The following TTLL3 variants were observed in gnomAD, a reference collection of about 807,000 sequenced individuals.
TTLL3 encodes the protein tubulin monoglycylase TTLL3.
In TTLL3, 63 loss-of-function variants were observed where a neutral mutation model predicts 75.2. The observed-to-expected ratio is 0.84, with a 90% CI of 0.68 to 1.03. The LOEUF (loss-of-function observed/expected upper bound fraction) is 1.03, where lower values mean the gene tolerates loss of function less well. Ranked by LOEUF, TTLL3 falls within the 50% of genes least tolerant of loss-of-function variation. TTLL3 has a pLI of 0.00. For missense variants in TTLL3, 997 were observed against 1,069.9 expected (o/e 0.93, Z 0.95); for synonymous variants, 393 against 418.5 (o/e 0.94, Z 0.74).
rs767038142 is a variant in TTLL3, at chr3:9,829,087, G to A, written c.1375G>A (p.Ala459Thr). ...RFQAHLQEMGAPNAWSTIIVP... is the reference protein window; with the variant it reads ...RFQAHLQEMGTPNAWSTIIVP... ...CCAGGCCCACCTGCAGGAGATGGGT[G>A]CCCCAAATGCTTGGTCCACCATCAT... The change falls in exon 11 of 14, where the codon GCC (alanine) becomes ACC (threonine). Residue 459 changes from alanine (A) to threonine (T), a missense_variant. Coordinates refer to ENST00000685419, the MANE Select transcript of TTLL3 (RefSeq NM_001387446.1). 1 of 1,614,122 alleles carries A rather than the reference G, an allele frequency of 6.2e-7. No homozygotes were observed. Among genetic ancestry groups the A allele is most frequent in the Non-Finnish European group, 8.5e-7 (1 of 1,180,050 alleles).
At chr3:9,818,129 C>T (rs1284212567) in intron 6 of TTLL3, 4 of 188,740 alleles carry the variant, frequency 2.1e-5, no homozygotes, top group East Asian at 1.4e-4. Context: ...GACTAGGTTC[C>T]GATTCCACAA....
intron 3 of TTLL3, 29 bp downstream of exon 3, chr3:9,813,140 G>C: frequency 6.3e-7 from 1 of 1,595,584 alleles, no homozygotes; most frequent in Admixed American, 1.7e-5. Context: ...TTCCACAGCT[G>C]TTGCTCCTGA....
chr3:9,825,286 C>A, intron 8 of TTLL3: 1 of 174,392 alleles, frequency 5.7e-6, no homozygotes, highest in Non-Finnish European at 1.2e-5. Flanking sequence ...TGCACTGAGC[C>A]GTGATTTCAC....
At position 9,816,172 on chromosome 3, in the gene TTLL3, C is replaced by G. The variant is rs929174720; in HGVS notation, c.414C>G (p.His138Gln). The G allele has an allele frequency of 3.0e-6, 4 of 1,354,810 alleles. No individual in the cohort carries two copies. The African/African-American group carries it at 5.9e-5, about 20-fold the overall frequency. The allele number at this position is 1,354,810 out of a possible 1,614,324, so 83.9% of individuals were successfully genotyped here. A position where few individuals can be genotyped will look rare whatever the true frequency, so the allele number is the denominator to read the frequency against. ...RFLSKDQMIN[H>Q]YARAGSFTTK... ...TCTCCAAGGATCAGATGATAAACCA[C>G]TACGCCCGGGCTGGCTCCTTTACCA... The change falls in exon 5 of 14, where the codon CAC (histidine) becomes CAG (glutamine). Residue 138 changes from histidine to glutamine, a missense_variant. Coordinates refer to ENST00000685419, the MANE Select transcript of TTLL3 (RefSeq NM_001387446.1).
rs1270331812 is a variant in TTLL3, at chr3:9,812,927, T to C, written c.49-16T>C. ...TGCAATACTTATTGAAGAAGTATCC[T>C]TCTCTCACATTGCAGCAGAAGAAGA... On this transcript the variant is annotated splice_polypyrimidine_tract_variant and intron_variant, in intron 2 of 13. Coordinates refer to ENST00000685419, the MANE Select transcript of TTLL3 (RefSeq NM_001387446.1). The C allele has an allele frequency of 4.0e-6, 6 of 1,488,858 alleles. No homozygotes were observed. The African/African-American group carries it at 5.6e-5, about 14-fold the overall frequency. The allele number at this position is 1,488,858 out of a possible 1,614,324, so 92.2% of individuals were successfully genotyped here.
chr3:9,835,097 C>T lies in TTLL3; in HGVS notation c.2056C>T (p.Pro686Ser), dbSNP rs372485684. ...APSILKPRKA[P>S]ALLCLRGPQL... The stretch of plus-strand genomic sequence containing the variant: ...TCTCCCCTCCTTTCACACCGAGGCT[C>T]CTGCTCTCCTGTGCCTCCGAGGCCC... Residue 686 changes from proline (P) to serine (S), a missense_variant, in exon 14 of 14, where the codon CCT becomes TCT. Physicochemically the swap from Pro to Ser is moderately conservative, Grantham distance 74. Coordinates refer to ENST00000685419, the MANE Select transcript of TTLL3 (RefSeq NM_001387446.1). The T allele has an allele frequency of 4.4e-6, 7 of 1,606,926 alleles. No homozygotes were observed. The highest frequency in any genetic ancestry group is 3.4e-5 in the Admixed American group (2 of 59,322).
chr3:9,816,662 C>T (rs570115449), intron 5 of TTLL3, among the ~76,000 whole-genome samples: 2 of 151,914 alleles, frequency 1.3e-5, no homozygotes, highest in Non-Finnish European at 2.9e-5. Flanking sequence ...ACTACAGGTG[C>T]GTGTCACCAC....
intron 7 of TTLL3, 41 bp downstream of exon 7, chr3:9,818,961 C>T (rs771698716): frequency 6.2e-7 from 1 of 1,613,286 alleles, no homozygotes; most frequent in Non-Finnish European, 8.5e-7. Flanking sequence ...CCCATTTATC[C>T]TCCACCCATC....
chr3:9,834,798 T>C lies in TTLL3; in HGVS notation c.1943T>C (p.Leu648Pro). ...AGCAAGCTGGTGGGCACTAAGGCCC[T>C]GTCGACCACAGGCAAGGCCTTGAGG... is the stretch of plus-strand genomic sequence containing the variant. The part of the protein sequence containing the change: ...QHSKLVGTKA[L>P]STTGKALRTL... Residue 648 changes from leucine to proline, a missense_variant, in exon 13 of 14, where the codon CTG (leucine) becomes CCG (proline). Physicochemically the swap from Leu to Pro is moderately conservative, Grantham distance 98 (BLOSUM62 -3). Coordinates refer to ENST00000685419, the MANE Select transcript of TTLL3 (RefSeq NM_001387446.1). 6.2e-7 allele frequency: 1 copy of C among 1,614,198 alleles called. No individual in the cohort carries two copies. Among genetic ancestry groups the C allele is most frequent in the Non-Finnish European group, 8.5e-7 (1 of 1,179,994 alleles).
At position 9,829,185 on chromosome 3, in the gene TTLL3, C is replaced by T. The variant is rs540019817; in HGVS notation, c.1473C>T (p.Ala491=). Residue 491 remains alanine, a synonymous_variant, in exon 11 of 14, where the codon GCC becomes GCT. Coordinates refer to ENST00000685419, the MANE Select transcript of TTLL3 (RefSeq NM_001387446.1). The part of the protein sequence containing the change: ...TSQDTVQCRK[A]SFELYGADFV... ...AGGACACCGTGCAGTGTCGGAAGGCCAGCTTTGAGCTCTATGGCGCTGACT... is the reference window on the plus strand; with the variant it reads ...AGGACACCGTGCAGTGTCGGAAGGCTAGCTTTGAGCTCTATGGCGCTGACT... 5.0e-5 allele frequency: 80 copies of T among 1,614,196 alleles called. No homozygotes were observed. The East Asian group carries it at 1.6e-3, about 32-fold the overall frequency.
At chr3:9,827,344 CCA>C in intron 10 of TTLL3, 104 bp downstream of exon 10, 5 of 1,517,078 alleles carry the variant, frequency 3.3e-6, no homozygotes, top group South Asian at 2.6e-5. Flanking sequence ...GCGCTAGGCT[CCA>C]CACACAGACT....
At chr3:9,822,549 G>A (rs2080551454) in intron 8 of TTLL3, among the ~76,000 whole-genome samples, 1 of 150,200 alleles carries the variant, frequency 6.7e-6, no homozygotes, top group South Asian at 2.1e-4. Context: ...TTTGAGACAG[G>A]GTCTCACTTT....
At position 9,833,173 on chromosome 3, in the gene TTLL3, A is replaced by G; in HGVS notation, c.1753A>G (p.Met585Val). The stretch of plus-strand genomic sequence containing the variant: ...AGAGGGCTTCACCATCAAGAAGCCC[A>G]TGGCGATGTGTCATCGGCGGATGGG... ...LVEGFTIKKPMAMCHRRMGVR... is the reference protein window; with the variant it reads ...LVEGFTIKKPVAMCHRRMGVR... Residue 585 changes from methionine (M) to valine (V), a missense_variant, in exon 12 of 14, where the codon ATG becomes GTG. Coordinates refer to ENST00000685419, the MANE Select transcript of TTLL3 (RefSeq NM_001387446.1). 1 of 1,614,166 alleles carries G rather than the reference A, an allele frequency of 6.2e-7. No homozygotes were observed. The highest frequency in any genetic ancestry group is 8.5e-7 in the Non-Finnish European group (1 of 1,180,008).
At chr3:9,824,219 A>G (rs1345375791) in intron 8 of TTLL3, among the ~76,000 whole-genome samples, 1 of 152,214 alleles carries the variant, frequency 6.6e-6, no homozygotes. Flanking sequence ...AAGAGGTGTG[A>G]TATAGAAGTG....
At chr3:9,817,804 G>C (rs547076165) in intron 6 of TTLL3, 45 bp downstream of exon 6, 36 of 1,612,560 alleles carry the variant, frequency 2.2e-5, no homozygotes, top group Admixed American at 5.0e-5. Flanking sequence ...GGCTGACAGA[G>C]CAGGGCTGAA....
intron 9 of TTLL3, among the ~76,000 whole-genome samples, 193 bp from the exon 10 acceptor site, chr3:9,826,804 T>C (rs1431090407): frequency 6.6e-6 from 1 of 150,752 alleles, no homozygotes; most frequent in Admixed American, 6.6e-5. Context: ...CAAACAAAAC[T>C]GGTTAATTAG....
rs1360671424 is a variant in TTLL3, at chr3:9,810,654, C to T, written c.-8C>T. The T allele has an allele frequency of 6.3e-7, 1 of 1,581,298 alleles. No individual in the cohort carries two copies. Among genetic ancestry groups the T allele is most frequent in the Non-Finnish European group, 8.6e-7 (1 of 1,163,790 alleles). On this transcript the variant is annotated 5_prime_UTR_variant, in exon 2 of 14. Transcript: ENST00000685419. This position sits in a 1 kb window ranked among gnomAD's most constrained non-coding sequence, Gnocchi z 4.4. ...GTCCTCTGGCGAGGATCCTCCAAGG[C>T]GTCTCACATGAACCGGCTCAGAAAC...
chr3:9,835,161 C>G lies in TTLL3; in HGVS notation c.2120C>G (p.Ser707Trp). ...CCTTGTTGCCTCTGCCCTTTGAAGTCGGAACAATTCCTAGCACCTGTCGGA... is the reference window on the plus strand; with the variant it reads ...CCTTGTTGCCTCTGCCCTTTGAAGTGGGAACAATTCCTAGCACCTGTCGGA... ...EVPCCLCPLK[S>W]EQFLAPVGRS... is the part of the protein sequence containing the mutation. The change falls in exon 14 of 14, where the codon TCG (serine) becomes TGG (tryptophan). Residue 707 changes from serine to tryptophan, a missense_variant. By Grantham distance (177) the Ser-to-Trp change is radical. Transcript: ENST00000685419. 1.2e-6 allele frequency: 2 copies of G among 1,614,198 alleles called. No homozygotes were observed. Among genetic ancestry groups the G allele is most frequent in the Non-Finnish European group, 1.7e-6 (2 of 1,180,022 alleles).
chr3:9,819,003 CTATT>C (rs2080160483), intron 7 of TTLL3, 83 bp downstream of exon 7: 47 of 1,573,810 alleles, frequency 3.0e-5, no homozygotes, highest in Non-Finnish European at 4.1e-5. Context: ...TTCTACCTAT[CTATT>C]CATCCACGCA....
Sources: allele counts gnomAD v4.1 joint callset (sites outside exome capture counted in the v4.1 genomes callset), GRCh38; gene constraint gnomAD v4.1.1; non-coding constraint Gnocchi (gnomAD v3.1); transcripts MANE v1.5; gene names NCBI Gene and HGNC (gene_info 2026-07-23, HGNC 2026-07-21).